The following CTNNA2 variants were observed in gnomAD, a reference collection of about 807,000 sequenced individuals.
The protein encoded by CTNNA2 is catenin alpha 2.
A neutral mutation model predicts 101.0 loss-of-function variants in CTNNA2; 42 were observed. The observed-to-expected ratio is 0.42, with a 90% confidence interval of 0.32 to 0.54. CTNNA2 has a LOEUF of 0.54. Among genes scored for constraint, CTNNA2 ranks in the 20% least tolerant of loss-of-function variants. The pLI, the probability that CTNNA2 is intolerant of heterozygous loss-of-function variation, is 0.14. For synonymous variants in CTNNA2, 450 were observed against 456.4 expected (o/e 0.99, Z 0.18); for missense variants, 871 against 1,223.1 (o/e 0.71, Z 4.29).
intron 9 of CTNNA2, among the ~76,000 whole-genome samples, chr2:80,464,757 A>C (rs1383799229): frequency 6.6e-6 from 1 of 152,102 alleles, no homozygotes; most frequent in Non-Finnish European, 1.5e-5. Flanking sequence ...TGTTTTAAGG[A>C]CTTTATAAGC....
chr2:80,022,220 C>T (rs963128700), intron 7 of CTNNA2, among the ~76,000 whole-genome samples: 11 of 152,132 alleles, frequency 7.2e-5, no homozygotes, highest in African/African-American at 2.7e-4. Flanking sequence ...GCTTAGTCAT[C>T]GTTTATTTAT....
At position 80,430,596 on chromosome 2, in the gene CTNNA2, A is replaced by AT. The variant is rs61101679; in HGVS notation, c.1290+10996dup. Among the ~76,000 whole-genome samples, 64 of 152,276 alleles carry AT rather than the reference A, an allele frequency of 4.2e-4. 2 individuals carry two copies. The East Asian group carries it at 9.1e-3, about 22-fold the overall frequency. ...TGCCTACCCTCACCATAATAAAATC[A>AT]TAAGCCAGCATACTGGTAATATTGC... On this transcript the variant is annotated intron_variant, in intron 9 of 18. Coordinates refer to ENST00000402739, the MANE Select transcript of CTNNA2 (RefSeq NM_001282597.3).
intron 7 of CTNNA2, among the ~76,000 whole-genome samples, chr2:80,317,670 G>A (rs1678260697): frequency 6.6e-6 from 1 of 152,144 alleles, no homozygotes; most frequent in Non-Finnish European, 1.5e-5. Context: ...GTTGCTGTTT[G>A]CGTAGAAAAA....
chr2:79,686,990 C>G (rs1683975359), intron 2 of CTNNA2, among the ~76,000 whole-genome samples: 1 of 152,146 alleles, frequency 6.6e-6, no homozygotes, highest in African/African-American at 2.4e-5. Flanking sequence ...TTATGTCGCT[C>G]TTTAGTCAAG....
At chr2:80,599,193 G>C (rs537312303) in intron 15 of CTNNA2, among the ~76,000 whole-genome samples, 1 of 152,188 alleles carries the variant, frequency 6.6e-6, no homozygotes, top group East Asian at 1.9e-4. Flanking sequence ...ATTAAACTTA[G>C]TTCCTCAGCC....
intron 7 of CTNNA2, among the ~76,000 whole-genome samples, chr2:80,005,457 A>G (rs956747342): frequency 1.1e-4 from 16 of 152,126 alleles, no homozygotes; most frequent in African/African-American, 3.9e-4. Context: ...ACTTAAGGGG[A>G]AAAAAACTTT....
Position 80,560,676 on chromosome 2 carries a change from C to T in CTNNA2, c.1741+4783C>T, listed in dbSNP as rs144064409. ...GTCCTCCCTGCAACGTTCTTCATCT[C>T]CTCCTCCTCCTGCTTTACATCTGTT... On this transcript the variant is annotated intron_variant, in intron 12 of 18. Coordinates refer to ENST00000402739, the MANE Select transcript of CTNNA2 (RefSeq NM_001282597.3). Among the ~76,000 whole-genome samples the T allele has an allele frequency of 3.4e-3, 516 of 152,242 alleles. 1 individual carries two copies. The highest frequency in any genetic ancestry group is 0.012 in the African/African-American group (488 of 41,552).
intron 1 of CTNNA2, among the ~76,000 whole-genome samples, chr2:79,632,618 G>A (rs1260344149): frequency 6.6e-6 from 1 of 152,208 alleles, no homozygotes; most frequent in East Asian, 1.9e-4. Context: ...TATTGATGGT[G>A]AGTAGTATTT....
intron 15 of CTNNA2, among the ~76,000 whole-genome samples, chr2:80,595,323 C>T (rs535782894): frequency 6.6e-6 from 1 of 152,068 alleles, no homozygotes; most frequent in African/African-American, 2.4e-5. Context: ...ATTTTGTATC[C>T]TGCAACTTGC....
intron 1 of CTNNA2, among the ~76,000 whole-genome samples, chr2:79,625,500 T>G (rs1333033348): frequency 6.6e-6 from 1 of 152,224 alleles, no homozygotes; most frequent in Non-Finnish European, 1.5e-5. Flanking sequence ...AACTTTTGTT[T>G]CAGTTTTATA....
intron 4 of CTNNA2, among the ~76,000 whole-genome samples, chr2:79,413,373 C>A (rs1232170391): frequency 1.3e-5 from 2 of 151,862 alleles, no homozygotes; most frequent in African/African-American, 4.8e-5. Flanking sequence ...CTTGTTGTTG[C>A]AAATGATAGA....
In CTNNA2 at chr2:79,632,935, T is replaced by C. The variant is rs140206745; in HGVS notation, c.-5-18617T>C. Among the ~76,000 whole-genome samples, 40 of 152,300 alleles carry C rather than the reference T, an allele frequency of 2.6e-4. 1 individual carries two copies. The East Asian group carries it at 7.3e-3, about 28-fold the overall frequency. On this transcript the variant is annotated intron_variant, in intron 1 of 18. Coordinates refer to ENST00000402739, the MANE Select transcript of CTNNA2 (RefSeq NM_001282597.3). Reference sequence around the variant, plus strand: ...GGTGAAAGAGCAACTAGAGTATAGATGGCATGAAAAAGAGTAGCTGTGTTC... The same window carrying C: ...GGTGAAAGAGCAACTAGAGTATAGACGGCATGAAAAAGAGTAGCTGTGTTC...
At chr2:79,186,060 C>A (rs1275542791) in intron 1 of CTNNA2, among the ~76,000 whole-genome samples, 1 of 152,116 alleles carries the variant, frequency 6.6e-6, no homozygotes, top group African/African-American at 2.4e-5. Flanking sequence ...TTTCAGATTA[C>A]CATACTTTAT....
At chr2:79,960,653 G>A (rs775485081) in intron 7 of CTNNA2, among the ~76,000 whole-genome samples, 1 of 152,146 alleles carries the variant, frequency 6.6e-6, no homozygotes, top group East Asian at 1.9e-4. Context: ...AGGTAACAAA[G>A]ACCTTAAACA....
At chr2:80,167,145 A>C (rs1573279613) in intron 7 of CTNNA2, among the ~76,000 whole-genome samples, 1 of 152,238 alleles carries the variant, frequency 6.6e-6, no homozygotes, top group African/African-American at 2.4e-5. Flanking sequence ...CATTATTGTT[A>C]ATGGCAAAAA....
chr2:80,507,739 C>T (rs1212276835), intron 9 of CTNNA2, among the ~76,000 whole-genome samples: 1 of 152,134 alleles, frequency 6.6e-6, no homozygotes, highest in Non-Finnish European at 1.5e-5. Context: ...ATAGAAAATG[C>T]TCAATGTATA....
At chr2:79,870,054 C>G in intron 5 of CTNNA2, 119 bp downstream of exon 5, 1 of 1,320,532 alleles carries the variant, frequency 7.6e-7, no homozygotes, top group Non-Finnish European at 1.0e-6. Flanking sequence ...CCCTAAGAAC[C>G]TGTGATGACA....
chr2:79,773,924 G>T (rs1399211275), intron 3 of CTNNA2, among the ~76,000 whole-genome samples: 3 of 152,038 alleles, frequency 2.0e-5, no homozygotes, highest in Admixed American at 2.0e-4. Flanking sequence ...TAAAATCTTG[G>T]CTGCTGTATT....
chr2:79,489,688 T>G (rs549679137), intron 4 of CTNNA2, among the ~76,000 whole-genome samples: 17 of 152,284 alleles, frequency 1.1e-4, no homozygotes, highest in African/African-American at 3.6e-4. Context: ...ATTGCATGAA[T>G]GAAAAGAAAT....
Sources: gnomAD v4.1 joint callset for allele counts (sites outside exome capture counted in the v4.1 genomes callset) on GRCh38, gnomAD v4.1.1 for gene constraint, MANE v1.5 for transcripts, NCBI Gene and HGNC (gene_info 2026-07-23, HGNC 2026-07-21) for gene names.